The following DMD variants were observed in gnomAD, a reference collection of about 807,000 sequenced individuals.
The protein encoded by DMD is dystrophin, also known as mutant dystrophin.
Under a neutral mutation model 330.1 loss-of-function variants are expected in DMD, and 63 were observed. That is an observed-to-expected ratio of 0.19 (90% CI 0.16 to 0.24). The LOEUF (loss-of-function observed/expected upper bound fraction) is 0.24, where lower values mean the gene tolerates loss of function less well. DMD is among the 10% of genes least tolerant of loss of function. DMD has a pLI of 1.00. For missense variants in DMD, 3,344 were observed against 2,684.1 expected (o/e 1.25, Z -5.43); for synonymous variants, 1,223 against 959.8 (o/e 1.27, Z -5.07).
intron 44 of DMD, among the ~76,000 whole-genome samples, chrX:32,043,142 C>G (rs2096025210): frequency 9.0e-6 from 1 of 111,718 alleles, no homozygotes; most frequent in South Asian, 3.8e-4. Context: ...ACACCTTCCT[C>G]ATGTACCCCG....
At chrX:32,367,594 A>C (rs1194522347) in intron 34 of DMD, among the ~76,000 whole-genome samples, 1 of 112,211 alleles carries the variant, frequency 8.9e-6, no homozygotes, top group African/African-American at 3.2e-5. Context: ...AAAACTCAGA[A>C]GAGATCACAA....
rs1368436780 is a variant in DMD, at chrX:32,338,404, CTT to C, written c.5922+3694_5922+3695del. Among the ~76,000 whole-genome samples the C allele has an allele frequency of 4.5e-5, 5 of 110,536 alleles. No individual in the cohort carries two copies. In the South Asian group the frequency reaches 1.1e-3, roughly 25 times the overall value. ...AATCCCTATTTTTTTCAACTTGAAACTTATTTCACGCAGATGTTTGAGGGATT... is the reference window on the plus strand; with the variant it reads ...AATCCCTATTTTTTTCAACTTGAAACATTTCACGCAGATGTTTGAGGGATT... On this transcript the variant is annotated intron_variant, in intron 41 of 78. Transcript: ENST00000357033.
intron 2 of DMD, among the ~76,000 whole-genome samples, chrX:32,867,992 C>G (rs370136162): frequency 1.2e-3 from 137 of 110,433 alleles, no homozygotes; most frequent in African/African-American, 4.2e-3. Flanking sequence ...TGAGAAGAAC[C>G]AAAACCGTGA....
At chrX:31,301,324 C>T (rs886473091) in intron 62 of DMD, among the ~76,000 whole-genome samples, 3 of 111,417 alleles carry the variant, frequency 2.7e-5, no homozygotes, top group Non-Finnish European at 3.8e-5. Context: ...AAGAACTACC[C>T]GTGACTGGGT....
intron 52 of DMD, among the ~76,000 whole-genome samples, chrX:31,701,089 T>A (rs1223627465): frequency 8.9e-6 from 1 of 112,562 alleles, no homozygotes; most frequent in African/African-American, 3.2e-5. Flanking sequence ...CAGCATGCAA[T>A]GCACACAATA....
At position 31,121,496 on chromosome X, in the gene DMD, TTTTATAAAGCACACTTTAG is replaced by T. The variant is rs1206874869; in HGVS notation, c.*404_*422del. On this transcript the variant is annotated 3_prime_UTR_variant, in exon 79 of 79. Coordinates refer to ENST00000357033, the MANE Select transcript of DMD (RefSeq NM_004006.3). ...TTAGGGGTTTTTATAAACAACTTTT[TTTTATAAAGCACACTTTAG>T]TTTACAATCTTTCTTTATAACTGTT... 3 of 174,989 alleles carry T rather than the reference TTTTATAAAGCACACTTTAG, an allele frequency of 1.7e-5. No individual in the cohort carries two copies. The highest frequency in any genetic ancestry group is 6.2e-5 in the African/African-American group (2 of 32,232). 14.4% of individuals were successfully genotyped at this position (174,989 alleles called of 1,213,427 possible). A position where few individuals can be genotyped will look rare whatever the true frequency, so the allele number is the denominator to read the frequency against.
chrX:32,037,026 G>A (rs905206562), intron 44 of DMD, among the ~76,000 whole-genome samples: 1 of 111,757 alleles, frequency 8.9e-6, no homozygotes, highest in Admixed American at 9.5e-5. Context: ...TGTGCAGTGT[G>A]TTAAAGCAGG....
chrX:32,609,007 T>A (rs1227895619), intron 12 of DMD, among the ~76,000 whole-genome samples: 1 of 110,997 alleles, frequency 9.0e-6, no homozygotes, highest in East Asian at 2.8e-4. Context: ...CACTTATCCT[T>A]CTTCCAACTA....
chrX:31,831,638 A>G (rs188069628), intron 49 of DMD, among the ~76,000 whole-genome samples: 5,837 of 111,225 alleles, frequency 0.052, 173 homozygotes, highest in South Asian at 0.12. Flanking sequence ...TCACTCTGTC[A>G]CCCAGGCTGG....
intron 47 of DMD, among the ~76,000 whole-genome samples, chrX:31,914,471 G>C (rs1377088239): frequency 8.9e-6 from 1 of 111,887 alleles, no homozygotes; most frequent in Non-Finnish European, 1.9e-5. Flanking sequence ...CCAAGGTTTG[G>C]AAAAAATTTA....
chrX:32,700,440 G>A (rs2064014750), intron 7 of DMD, among the ~76,000 whole-genome samples: 1 of 110,853 alleles, frequency 9.0e-6, no homozygotes, highest in Non-Finnish European at 1.9e-5. Flanking sequence ...GTTGGTCAAA[G>A]GACACAAAAT....
chrX:31,561,331 T>C (rs1183658359), intron 55 of DMD, among the ~76,000 whole-genome samples: 2 of 110,734 alleles, frequency 1.8e-5, no homozygotes, highest in Admixed American at 9.6e-5. Flanking sequence ...TCCTTCCCCT[T>C]TGGGCTGAAA....
rs1233970997 is a variant in DMD, at chrX:33,303,661, T to C, written c.7+35598A>G. ...TATTCTTGTGATAGCAAGTAAGTTC[T>C]CATGAGATCTGATGGTTTTATAAGG... On this transcript the variant is annotated intron_variant, in intron 1 of 17. Transcript: ENST00000288447. Among the ~76,000 whole-genome samples the C allele has an allele frequency of 4.5e-5, 5 of 111,388 alleles. No homozygotes were observed. In the Admixed American group the frequency reaches 4.8e-4, roughly 11 times the overall value.
intron 63 of DMD, among the ~76,000 whole-genome samples, chrX:31,238,601 T>C (rs1419132325): frequency 4.5e-5 from 5 of 111,917 alleles, no homozygotes; most frequent in Admixed American, 9.5e-5. Flanking sequence ...TTGTTAAAGA[T>C]AAAATGAGGC....
chrX:31,828,085 T>C (rs1383745437), intron 49 of DMD, among the ~76,000 whole-genome samples: 2 of 110,806 alleles, frequency 1.8e-5, no homozygotes, highest in East Asian at 5.6e-4. Context: ...CTAAATGAAG[T>C]TGAAACAAAA....
intron 1 of DMD, among the ~76,000 whole-genome samples, chrX:33,149,285 G>C (rs189807132): frequency 9.0e-6 from 1 of 111,605 alleles, no homozygotes; most frequent in East Asian, 2.8e-4. Context: ...CTCATAAAGA[G>C]TATGCGACCT....
chrX:32,028,788 C>T (rs1292066563), intron 44 of DMD, among the ~76,000 whole-genome samples: 10 of 110,791 alleles, frequency 9.0e-5, no homozygotes, highest in Non-Finnish European at 1.9e-4. Context: ...GCATCATAAG[C>T]AAGTGATGGA....
chrX:33,072,559 A>G (rs967363224), intron 1 of DMD, among the ~76,000 whole-genome samples: 1 of 112,004 alleles, frequency 8.9e-6, no homozygotes, highest in African/African-American at 3.2e-5. Context: ...ACATGTCAGA[A>G]TCTTCTCTAA....
intron 4 of DMD, among the ~76,000 whole-genome samples, chrX:32,834,030 TTA>T (rs1195850942): frequency 9.0e-6 from 1 of 111,255 alleles, no homozygotes; most frequent in African/African-American, 3.3e-5. Context: ...GAATACGAGA[TTA>T]TGTTTGTATA....
Sources: gnomAD v4.1 joint callset for allele counts (sites outside exome capture counted in the v4.1 genomes callset) on GRCh38, gnomAD v4.1.1 for gene constraint, MANE v1.5 for transcripts, NCBI Gene and HGNC (gene_info 2026-07-23, HGNC 2026-07-21) for gene names.